Variants in ARB2A observed in about 807,000 individuals in gnomAD.
ARB2A encodes the protein ARB2 cotranscriptional regulator A.
At chr5:94,045,130 A>C in the ARB2A span, among the ~76,000 whole-genome samples, 1 of 150,710 alleles carries the variant, frequency 6.6e-6, no homozygotes, top group East Asian at 2.0e-4. Context: ...AAAAAAAAAA[A>C]AAAAAACAAC....
chr5:93,716,032 C>T, the ARB2A span, among the ~76,000 whole-genome samples: 2 of 152,184 alleles, frequency 1.3e-5, no homozygotes, highest in Non-Finnish European at 2.9e-5. Context: ...TGGGAACCCT[C>T]TCTGCTGAGT....
chr5:93,803,435 T>C, the ARB2A span, among the ~76,000 whole-genome samples: 1 of 151,786 alleles, frequency 6.6e-6, no homozygotes, highest in South Asian at 2.1e-4. Context: ...CCTACTTCAA[T>C]TCCCTCTCCT....
the ARB2A span, among the ~76,000 whole-genome samples, chr5:93,954,994 G>A: frequency 6.6e-6 from 1 of 152,102 alleles, no homozygotes; most frequent in East Asian, 1.9e-4. Flanking sequence ...CAAATGCACA[G>A]ATTCTCTCTC....
chr5:94,065,480 C>T, the ARB2A span, among the ~76,000 whole-genome samples: 1 of 152,144 alleles, frequency 6.6e-6, no homozygotes, highest in African/African-American at 2.4e-5. Context: ...TATTACTGCA[C>T]TCCAGCCTGG....
At chr5:93,974,811 T>TA in the ARB2A span, among the ~76,000 whole-genome samples, 1 of 152,104 alleles carries the variant, frequency 6.6e-6, no homozygotes, top group South Asian at 2.1e-4. Context: ...AAAATAGAAA[T>TA]CAACACCATG....
At chr5:93,635,852 C>A in the ARB2A span, among the ~76,000 whole-genome samples, 7 of 152,208 alleles carry the variant, frequency 4.6e-5, no homozygotes, top group South Asian at 6.2e-4. Context: ...AATTATTTAT[C>A]CCAGAAATCA....
the ARB2A span, among the ~76,000 whole-genome samples, chr5:94,072,643 A>G: frequency 6.6e-6 from 1 of 152,114 alleles, no homozygotes. Flanking sequence ...TAAGAGGACT[A>G]GATACAGAAC....
the ARB2A span, among the ~76,000 whole-genome samples, chr5:93,809,459 T>C: frequency 3.9e-5 from 6 of 152,090 alleles, no homozygotes; most frequent in Non-Finnish European, 7.4e-5. Flanking sequence ...GTAACATTTC[T>C]AGTGCTTTCT....
chr5:93,967,486 G>C, the ARB2A span, among the ~76,000 whole-genome samples: 1 of 152,062 alleles, frequency 6.6e-6, no homozygotes, highest in African/African-American at 2.4e-5. Flanking sequence ...ATCAGTTTAC[G>C]GGGTACCTCA....
the ARB2A span, among the ~76,000 whole-genome samples, chr5:94,084,610 AG>A: frequency 6.6e-6 from 1 of 152,208 alleles, no homozygotes; most frequent in African/African-American, 2.4e-5. Flanking sequence ...AGAATGTGAT[AG>A]GAAGAATTGC....
chr5:93,757,857 C>T, the ARB2A span, among the ~76,000 whole-genome samples: 1 of 152,032 alleles, frequency 6.6e-6, no homozygotes, highest in Non-Finnish European at 1.5e-5. Context: ...CGTACACAAG[C>T]AACAAAGAGC....
chr5:93,953,430 G>A, the ARB2A span, among the ~76,000 whole-genome samples: 180 of 152,234 alleles, frequency 1.2e-3, 1 homozygote, highest in African/African-American at 4.2e-3. Context: ...GTACTGCCTT[G>A]TTGGTTTTGG....
chr5:93,850,484 T>A, the ARB2A span, among the ~76,000 whole-genome samples: 7 of 152,116 alleles, frequency 4.6e-5, no homozygotes, highest in Non-Finnish European at 8.8e-5. Context: ...ATGATCAGGA[T>A]GCTGTGAACA....
At chr5:93,760,757 T>C in the ARB2A span, among the ~76,000 whole-genome samples, 11 of 152,204 alleles carry the variant, frequency 7.2e-5, no homozygotes, top group East Asian at 9.6e-4. Context: ...CAACTTAAGA[T>C]GGATTAAGGA....
At chr5:94,017,916 G>A in the ARB2A span, among the ~76,000 whole-genome samples, 5 of 152,112 alleles carry the variant, frequency 3.3e-5, no homozygotes, top group Non-Finnish European at 7.4e-5. Flanking sequence ...CATGGAGGCC[G>A]TTCTTTTCCA....
At chr5:94,041,154 A>G in the ARB2A span, among the ~76,000 whole-genome samples, 1 of 151,226 alleles carries the variant, frequency 6.6e-6, no homozygotes, top group African/African-American at 2.4e-5. Context: ...ATCACTAGTT[A>G]TCTCCTGTAA....
At chr5:93,621,642 C>T in the ARB2A span, among the ~76,000 whole-genome samples, 212 of 152,346 alleles carry the variant, frequency 1.4e-3, 2 homozygotes, top group African/African-American at 4.9e-3. Context: ...GCGCCTGTTT[C>T]CTTGCTTCCC....
chr5:94,099,391 G>A, the ARB2A span, among the ~76,000 whole-genome samples: 1 of 152,112 alleles, frequency 6.6e-6, no homozygotes, highest in East Asian at 1.9e-4. Context: ...TTGGGAGGTT[G>A]AAGTGGGTGG....
the ARB2A span, among the ~76,000 whole-genome samples, chr5:94,098,353 A>G: frequency 1.3e-5 from 2 of 152,326 alleles, no homozygotes; most frequent in Middle Eastern, 6.8e-3. Flanking sequence ...ATACAAATAC[A>G]TAAAATTAAA....
Sources: allele counts gnomAD v4.1 joint callset (sites outside exome capture counted in the v4.1 genomes callset), GRCh38; gene constraint gnomAD v4.1.1; transcripts MANE v1.5; gene names NCBI Gene and HGNC (gene_info 2026-07-23, HGNC 2026-07-21).